YY1: variants seen among roughly 807,000 people sequenced by gnomAD.
The protein encoded by YY1 is YY1 transcription factor.
YY1 carries 2 observed loss-of-function variants against 35.6 expected under a neutral mutation model. That is an observed-to-expected ratio of 0.06 (90% CI 0.02 to 0.18). The LOEUF is 0.18. Among genes scored for constraint, YY1 ranks in the 10% least tolerant of loss-of-function variants. YY1 has a pLI of 1.00. For synonymous variants in YY1, 268 were observed against 238.9 expected (o/e 1.12, Z -1.12); for missense variants, 322 against 573.4 (o/e 0.56, Z 4.48).
At chr14:100,255,347 G>A (rs567554788) in intron 1 of YY1, among the ~76,000 whole-genome samples, 2 of 152,234 alleles carry the variant, frequency 1.3e-5, no homozygotes, top group East Asian at 3.9e-4. Flanking sequence ...GGCCGGGCAC[G>A]GTGGCTCATG....
At chr14:100,255,056 C>T (rs1890985430) in intron 1 of YY1, among the ~76,000 whole-genome samples, 1 of 148,528 alleles carries the variant, frequency 6.7e-6, no homozygotes, top group Non-Finnish European at 1.5e-5. Context: ...CTTGGCCTCC[C>T]AAAGTGCTAG....
At chr14:100,272,078 C>G (rs1183212582) in intron 2 of YY1, among the ~76,000 whole-genome samples, 1 of 151,830 alleles carries the variant, frequency 6.6e-6, no homozygotes, top group Admixed American at 6.6e-5. Context: ...GGGCGGATCA[C>G]GAGGTCAGGA....
intron 1 of YY1, among the ~76,000 whole-genome samples, chr14:100,248,236 C>T (rs1427237036): frequency 6.6e-6 from 1 of 151,590 alleles, no homozygotes; most frequent in Non-Finnish European, 1.5e-5. Context: ...CTGCCTCAGC[C>T]TCCCAGGTAG....
intron 1 of YY1, among the ~76,000 whole-genome samples, 161 bp downstream of exon 1, chr14:100,240,084 G>GGGCGGCGGGCCGCGAAGAT (rs1890706003): frequency 6.8e-6 from 1 of 146,530 alleles, no homozygotes; most frequent in African/African-American, 2.5e-5. Flanking sequence ...CGGCGGCGGC[G>GGGCGGCGGGCCGCGAAGAT]GGCGGCGGGC....
At chr14:100,242,386 T>G (rs866839501) in intron 1 of YY1, among the ~76,000 whole-genome samples, 29,121 of 119,230 alleles carry the variant, frequency 0.24, 5,230 homozygotes, top group South Asian at 0.52. Flanking sequence ...TTGTTTTTTT[T>G]TTTTTTTTTT....
At chr14:100,258,040 G>A (rs905663813) in intron 1 of YY1, among the ~76,000 whole-genome samples, 4 of 152,060 alleles carry the variant, frequency 2.6e-5, no homozygotes, top group Admixed American at 2.0e-4. Flanking sequence ...GCTGAGGTGG[G>A]AGGATTGCTT....
At position 100,239,366 on chromosome 14, in the gene YY1, T is replaced by C; in HGVS notation, c.122T>C (p.Val41Ala). ...GTGGAGACCATCGAGACCACAGTGG[T>C]GGGCGAGGAGGAGGAGGAGGACGAC... Reference protein sequence around the residue: ...IPVETIETTVVGEEEEEDDDD... With the variant: ...IPVETIETTVAGEEEEEDDDD... Residue 41 changes from valine to alanine, a missense_variant, in exon 1 of 5, where the codon GTG becomes GCG. Transcript: ENST00000262238. The C allele has an allele frequency of 1.3e-6, 2 of 1,598,282 alleles. No individual in the cohort carries two copies. The highest frequency in any genetic ancestry group is 1.7e-6 in the Non-Finnish European group (2 of 1,174,142).
At chr14:100,256,178 C>T (rs1891003531) in intron 1 of YY1, among the ~76,000 whole-genome samples, 1 of 152,024 alleles carries the variant, frequency 6.6e-6, no homozygotes, top group South Asian at 2.1e-4. Flanking sequence ...GTGATTCTCA[C>T]AGATTACGAT....
chr14:100,242,401 T>C (rs1477220415), intron 1 of YY1, among the ~76,000 whole-genome samples: 1 of 142,276 alleles, frequency 7.0e-6, no homozygotes, highest in Admixed American at 7.1e-5. Context: ...TTTTTTTTTT[T>C]TTTTTGAGAT....
At chr14:100,248,380 C>T (rs929275493) in intron 1 of YY1, among the ~76,000 whole-genome samples, 1 of 152,088 alleles carries the variant, frequency 6.6e-6, no homozygotes, top group Non-Finnish European at 1.5e-5. Context: ...CCTTGGCCTC[C>T]CAAAGTGCTG....
chr14:100,267,724 A>T (rs1312661107), intron 2 of YY1, among the ~76,000 whole-genome samples: 1 of 152,068 alleles, frequency 6.6e-6, no homozygotes, highest in Admixed American at 6.5e-5. Context: ...GGGTTTCACC[A>T]TGTTGGCCAA....
At chr14:100,260,334 T>G (rs1044893929) in intron 1 of YY1, among the ~76,000 whole-genome samples, 1 of 151,236 alleles carries the variant, frequency 6.6e-6, no homozygotes, top group African/African-American at 2.4e-5. Flanking sequence ...CATGAGCCAC[T>G]GTGGCCTGGC....
chr14:100,276,411 TC>T lies in YY1; in HGVS notation c.904-78del. On this transcript the variant is annotated intron_variant, in intron 3 of 4. Transcript: ENST00000262238. The surrounding 1 kb of genome is among the most constrained non-coding windows in gnomAD (Gnocchi z 4.1). The stretch of plus-strand genomic sequence containing the variant: ...GGGGAGGTGGTTTTGTTTTAATATG[TC>T]AGTAAAGGCTGTTAAATGGTTGAAT... 1 of 1,604,536 alleles carries T rather than the reference TC, an allele frequency of 6.2e-7. No homozygotes were observed. Among genetic ancestry groups the T allele is most frequent in the Non-Finnish European group, 8.5e-7 (1 of 1,172,402 alleles).
intron 1 of YY1, among the ~76,000 whole-genome samples, chr14:100,247,320 TTC>T (rs1256553214): frequency 6.6e-6 from 1 of 152,226 alleles, no homozygotes; most frequent in Non-Finnish European, 1.5e-5. Flanking sequence ...ACCATTTTTA[TTC>T]TCTCTGTGCT....
chr14:100,271,481 A>T (rs1423709848), intron 2 of YY1, among the ~76,000 whole-genome samples: 1 of 152,198 alleles, frequency 6.6e-6, no homozygotes, highest in Non-Finnish European at 1.5e-5. Flanking sequence ...GCACTTAAAA[A>T]AACTTGCTAA....
At chr14:100,242,114 A>G (rs1890756033) in intron 1 of YY1, among the ~76,000 whole-genome samples, 1 of 152,096 alleles carries the variant, frequency 6.6e-6, no homozygotes, top group Non-Finnish European at 1.5e-5. Flanking sequence ...ACAAAAGTAA[A>G]TTTACTTTTT....
chr14:100,253,269 T>C (rs576067494), intron 1 of YY1, among the ~76,000 whole-genome samples: 2 of 152,312 alleles, frequency 1.3e-5, no homozygotes, highest in South Asian at 4.1e-4. Flanking sequence ...CCATCGCTAG[T>C]CAATAGAAAT....
rs1328070144 is a variant in YY1 at position 100,274,684 on chromosome 14, TTTC to T, written c.843-11_843-9del. On this transcript the variant is annotated splice_polypyrimidine_tract_variant and intron_variant, in intron 2 of 4. Transcript: ENST00000262238. Reference sequence around the variant, plus strand: ...TCCTACAAATCTGTCTGTCTCTCTTTTTCTTTTGATAAGAATGAAGCCAAGAAA... The same window carrying T: ...TCCTACAAATCTGTCTGTCTCTCTTTTTTTGATAAGAATGAAGCCAAGAAA... 1 of 1,612,156 alleles carries T rather than the reference TTTC, an allele frequency of 6.2e-7. No individual in the cohort carries two copies. Among genetic ancestry groups the T allele is most frequent in the Admixed American group, 1.7e-5 (1 of 60,010 alleles).
At chr14:100,240,807 TC>T (rs1303414392) in intron 1 of YY1, among the ~76,000 whole-genome samples, 122 of 152,258 alleles carry the variant, frequency 8.0e-4, no homozygotes, top group African/African-American at 2.9e-3. Context: ...TTTTTTTTTT[TC>T]CCTCAAGTAT....
Sources: allele counts gnomAD v4.1 joint callset (sites outside exome capture counted in the v4.1 genomes callset), GRCh38; gene constraint gnomAD v4.1.1; non-coding constraint Gnocchi (gnomAD v3.1); transcripts MANE v1.5; gene names NCBI Gene and HGNC (gene_info 2026-07-23, HGNC 2026-07-21).